Variants in ARHGAP12 observed in about 807,000 individuals in gnomAD.
ARHGAP12 encodes the protein rho GTPase-activating protein 12.
ARHGAP12 carries 64 observed loss-of-function variants against 108.6 expected under a neutral mutation model. The ratio of observed to expected loss-of-function variants is 0.59; its 90% CI spans 0.48 to 0.73. ARHGAP12 has a LOEUF of 0.73. Ranked by LOEUF, ARHGAP12 falls within the 30% of genes least tolerant of loss-of-function variation. The pLI, the probability that ARHGAP12 is intolerant of heterozygous loss-of-function variation, is 0.00. For synonymous variants in ARHGAP12, 312 were observed against 337.2 expected, an observed-to-expected ratio of 0.93 and a Z score of 0.82; for missense variants, 940 against 1,005.9, an observed-to-expected ratio of 0.93 and a Z score of 0.89.
chr10:31,876,576 C>A (rs1161964494), intron 3 of ARHGAP12, among the ~76,000 whole-genome samples: 2 of 147,876 alleles, frequency 1.4e-5, no homozygotes, highest in African/African-American at 5.0e-5. Context: ...TAATACTTTA[C>A]ACGTTTTCTA....
chr10:31,926,288 G>A (rs1840037672), intron 1 of ARHGAP12, among the ~76,000 whole-genome samples: 1 of 149,206 alleles, frequency 6.7e-6, no homozygotes, highest in South Asian at 2.2e-4. Context: ...GGAAATGGCT[G>A]AATCACAGCA....
chr10:31,888,697 T>A (rs1286123975), intron 3 of ARHGAP12, among the ~76,000 whole-genome samples: 8 of 151,942 alleles, frequency 5.3e-5, no homozygotes, highest in African/African-American at 1.5e-4. Context: ...CACTTACAAT[T>A]AAGAGTTCTA....
chr10:31,888,501 A>C (rs1458691320), intron 3 of ARHGAP12, among the ~76,000 whole-genome samples: 1 of 152,266 alleles, frequency 6.6e-6, no homozygotes, highest in Non-Finnish European at 1.5e-5. Flanking sequence ...TCTTTGGAAG[A>C]ATAACAGAAC....
chr10:31,820,037 AC>A (rs201574380), intron 12 of ARHGAP12, among the ~76,000 whole-genome samples: 1,625 of 151,264 alleles, frequency 0.011, 14 homozygotes, highest in Non-Finnish European at 0.015. Context: ...TATCCCATAC[AC>A]CCCCTGCCCA....
intron 8 of ARHGAP12, 118 bp from the exon 9 acceptor site, chr10:31,839,437 A>G (rs1836165169): frequency 1.7e-6 from 2 of 1,176,550 alleles, no homozygotes; most frequent in African/African-American, 1.6e-5. Context: ...TAATCATGTA[A>G]GATACCATAT....
Position 31,907,167 on chromosome 10 carries a change from C to T in ARHGAP12, c.684+1005G>A, listed in dbSNP as rs531951743. 7.9e-5 allele frequency among the ~76,000 whole-genome samples: 12 copies of T among 152,256 alleles called. No homozygotes were observed. The East Asian group carries it at 2.3e-3, about 29-fold the overall frequency. ...ATTATTCCCAGACTTGATGAATAAT[C>T]TTACAACAGAACTTCAAGCCAAAAA... On this transcript the variant is annotated intron_variant, in intron 3 of 19. Transcript: ENST00000344936.
At chr10:31,866,472 T>C (rs1472740279) in intron 3 of ARHGAP12, among the ~76,000 whole-genome samples, 4 of 151,742 alleles carry the variant, frequency 2.6e-5, no homozygotes, top group Admixed American at 6.6e-5. Flanking sequence ...GTGCCGGAAG[T>C]GGTTTGCAGG....
intron 3 of ARHGAP12, among the ~76,000 whole-genome samples, chr10:31,863,572 A>G (rs75566482): frequency 1.3e-5 from 2 of 152,314 alleles, no homozygotes; most frequent in East Asian, 3.9e-4. Flanking sequence ...AGCACAATCT[A>G]TAAGGCTAGC....
chr10:31,873,312 C>A (rs966588843), intron 3 of ARHGAP12, among the ~76,000 whole-genome samples: 1 of 152,090 alleles, frequency 6.6e-6, no homozygotes, highest in Non-Finnish European at 1.5e-5. Flanking sequence ...AATACTTTAT[C>A]TATATTTCGA....
intron 3 of ARHGAP12, among the ~76,000 whole-genome samples, chr10:31,878,237 C>T (rs1214952374): frequency 2.0e-5 from 3 of 152,122 alleles, no homozygotes; most frequent in East Asian, 3.8e-4. Flanking sequence ...CAGAAATTCA[C>T]CACCCAATTT....
chr10:31,836,041 G>A (rs1426223523), intron 9 of ARHGAP12, among the ~76,000 whole-genome samples: 5 of 151,966 alleles, frequency 3.3e-5, no homozygotes, highest in Non-Finnish European at 7.4e-5. Flanking sequence ...AATTTTTAAA[G>A]AGTCAATGGA....
chr10:31,850,199 C>T (rs1030555746), intron 6 of ARHGAP12, among the ~76,000 whole-genome samples: 1 of 152,020 alleles, frequency 6.6e-6, no homozygotes, highest in African/African-American at 2.4e-5. Context: ...ATCTGTCAAG[C>T]GGAACAAAAA....
chr10:31,881,915 G>GT (rs886188365), intron 3 of ARHGAP12, among the ~76,000 whole-genome samples: 7,464 of 135,974 alleles, frequency 0.055, 641 homozygotes, highest in African/African-American at 0.18. Context: ...TTGTTTAGAT[G>GT]TTTTTTTTTT....
intron 1 of ARHGAP12, among the ~76,000 whole-genome samples, chr10:31,917,189 C>A (rs915511880): frequency 1.3e-5 from 2 of 151,846 alleles, no homozygotes; most frequent in African/African-American, 4.8e-5. Flanking sequence ...GCGGGCAGAT[C>A]ATGAGGTCAG....
At chr10:31,902,052 A>G (rs1429883053) in intron 3 of ARHGAP12, among the ~76,000 whole-genome samples, 1 of 152,192 alleles carries the variant, frequency 6.6e-6, no homozygotes, top group Admixed American at 6.5e-5. Flanking sequence ...TTTGGTAAGT[A>G]TTATTCAGCC....
At chr10:31,911,737 A>G (rs1839357581) in intron 1 of ARHGAP12, among the ~76,000 whole-genome samples, 1 of 152,226 alleles carries the variant, frequency 6.6e-6, no homozygotes, top group South Asian at 2.1e-4. Flanking sequence ...ATGTGATGCA[A>G]TAAAACATAC....
At chr10:31,866,809 A>G (rs1837343627) in intron 3 of ARHGAP12, among the ~76,000 whole-genome samples, 1 of 151,954 alleles carries the variant, frequency 6.6e-6, no homozygotes. Context: ...TAGAGACAGG[A>G]TTTCTCCATG....
intron 4 of ARHGAP12, among the ~76,000 whole-genome samples, chr10:31,860,805 G>A (rs1837084280): frequency 6.6e-6 from 1 of 152,156 alleles, no homozygotes; most frequent in African/African-American, 2.4e-5. Flanking sequence ...GGACAGCCAG[G>A]TGCAGTAGCT....
chr10:31,888,651 C>A (rs1303099039), intron 3 of ARHGAP12, among the ~76,000 whole-genome samples: 1 of 152,134 alleles, frequency 6.6e-6, no homozygotes, highest in African/African-American at 2.4e-5. Flanking sequence ...CCTAAACATT[C>A]CCCTTTGTCT....
Sources: allele counts gnomAD v4.1 joint callset (sites outside exome capture counted in the v4.1 genomes callset), GRCh38; gene constraint gnomAD v4.1.1; transcripts MANE v1.5; gene names NCBI Gene and HGNC (gene_info 2026-07-23, HGNC 2026-07-21).